CUBN: variants seen among roughly 807,000 people sequenced by gnomAD.
CUBN encodes 460 kDa receptor.
A neutral mutation model predicts 405.3 loss-of-function variants in CUBN; 282 were observed. The observed-to-expected ratio is 0.70, with a 90% CI of 0.63 to 0.77. The LOEUF (loss-of-function observed/expected upper bound fraction) is 0.77. CUBN is among the 30% of genes least tolerant of loss of function. The pLI is 0.00. For missense variants in CUBN, 4,514 were observed against 4,475.2 expected (o/e 1.01, Z -0.25); for synonymous variants, 1,684 against 1,617.0 (o/e 1.04, Z -0.99).
At chr10:17,073,444 CTTTTT>C (rs11349387) in intron 17 of CUBN, among the ~76,000 whole-genome samples, 1 of 109,782 alleles carries the variant, frequency 9.1e-6, no homozygotes. Context: ...ATAACCAGCT[CTTTTT>C]TTTTTTTTTT....
chr10:16,885,134 G>A (rs115802949), intron 56 of CUBN, among the ~76,000 whole-genome samples: 203 of 152,234 alleles, frequency 1.3e-3, no homozygotes, highest in African/African-American at 4.4e-3. Context: ...GCTCGGTGAT[G>A]GTATTCAATA....
In CUBN at chr10:16,828,899, C is replaced by A. The variant is rs763271437; in HGVS notation, c.10670G>T (p.Ser3557Ile). The A allele has an allele frequency of 4.3e-6, 7 of 1,614,114 alleles. No individual in the cohort carries two copies. The highest frequency in any genetic ancestry group is 5.9e-6 in the Non-Finnish European group (7 of 1,179,998). Residue 3557 changes from serine (S) to isoleucine (I), a missense_variant, in exon 66 of 67, where the codon AGC (serine) becomes ATC (isoleucine). Coordinates refer to ENST00000377833, the MANE Select transcript of CUBN (RefSeq NM_001081.4). ...GACACAGTCTCCTGGATCGTCAATG[C>A]TGATGAAGTAGAAGTTGATGGTGAC... ...RLVTINFYFI[S>I]IDDPGDCVQN...
At position 16,869,829 on chromosome 10, in the gene CUBN, G is replaced by A. The variant is rs757288551; in HGVS notation, c.9261C>T (p.Pro3087=). 25 of 1,613,288 alleles carry A rather than the reference G, an allele frequency of 1.5e-5. No individual in the cohort carries two copies. The South Asian group carries it at 2.5e-4, about 16-fold the overall frequency. Residue 3087 remains proline (P), a synonymous_variant, in exon 59 of 67, where the codon CCC becomes CCT. Coordinates refer to ENST00000377833, the MANE Select transcript of CUBN (RefSeq NM_001081.4). ...ELKFSDFDVV[P]STSCSHDYLA... ...GGTAGTCATGGGAGCAGGAGGTGGAGGGAACCACATCAAAATCACTGAACC... is the reference window on the plus strand; with the variant it reads ...GGTAGTCATGGGAGCAGGAGGTGGAAGGAACCACATCAAAATCACTGAACC...
chr10:17,036,613 A>T (rs1007666525), intron 27 of CUBN, among the ~76,000 whole-genome samples: 2 of 152,142 alleles, frequency 1.3e-5, no homozygotes, highest in Non-Finnish European at 2.9e-5. Context: ...AGGGGGCTGA[A>T]GGGAAAACGT....
At chr10:17,017,130 G>A (rs1472184415) in intron 28 of CUBN, among the ~76,000 whole-genome samples, 1 of 152,108 alleles carries the variant, frequency 6.6e-6, no homozygotes, top group Admixed American at 6.5e-5. Context: ...TTTCCCATCT[G>A]AAAGACAAAA....
intron 62 of CUBN, among the ~76,000 whole-genome samples, chr10:16,837,946 C>T (rs1480110414): frequency 3.3e-5 from 5 of 152,274 alleles, no homozygotes; most frequent in African/African-American, 1.2e-4. Flanking sequence ...CTGAGTGGTC[C>T]ACCCTGATCC....
chr10:17,003,896 C>T (rs1049662796), intron 28 of CUBN, among the ~76,000 whole-genome samples: 3 of 152,178 alleles, frequency 2.0e-5, no homozygotes, highest in Non-Finnish European at 4.4e-5. Context: ...TAATCTCCTC[C>T]CTTGACATTT....
Position 16,950,103 on chromosome 10 carries a change from T to C in CUBN, c.4978A>G (p.Ile1660Val). 3 of 1,612,052 alleles carry C rather than the reference T, an allele frequency of 1.9e-6. No homozygotes were observed. The highest frequency in any genetic ancestry group is 1.3e-5 in the African/African-American group (1 of 74,956). The change falls in exon 34 of 67, where the codon ATC becomes GTC. Residue 1660 changes from isoleucine (I) to valine (V), a missense_variant. Physicochemically the swap from Ile to Val is conservative, Grantham distance 29 (BLOSUM62 3). Coordinates refer to ENST00000377833, the MANE Select transcript of CUBN (RefSeq NM_001081.4). ...IIQAQPPLNH[I>V]TLSFTHFELE... ...TCAAAGTGGGTAAAAGAGAGGGTGA[T>C]ATGATTTACTGGAAGAAAAAAGAGA...
chr10:16,991,247 G>C (rs928010223), intron 28 of CUBN, among the ~76,000 whole-genome samples: 1 of 152,160 alleles, frequency 6.6e-6, no homozygotes, highest in African/African-American at 2.4e-5. Context: ...TCCTCATATG[G>C]GCTTTCCATG....
intron 4 of CUBN, among the ~76,000 whole-genome samples, chr10:17,124,454 A>G (rs1401687621): frequency 1.4e-5 from 2 of 145,998 alleles, no homozygotes; most frequent in Non-Finnish European, 3.0e-5. Flanking sequence ...TTTGAGACGG[A>G]GTCTTGCTCT....
chr10:17,038,523 G>A (rs1030866360), intron 27 of CUBN, among the ~76,000 whole-genome samples: 2 of 152,204 alleles, frequency 1.3e-5, no homozygotes, highest in African/African-American at 4.8e-5. Context: ...AGGCGGGATA[G>A]TGTCTGACCA....
chr10:16,903,698 T>G lies in CUBN; in HGVS notation c.8062+268A>C, dbSNP rs1158249703. On this transcript the variant is annotated intron_variant, in intron 51 of 66. Coordinates refer to ENST00000377833, the MANE Select transcript of CUBN (RefSeq NM_001081.4). ...TAATTATTAAATAATTATTGGATAA[T>G]TTTAAAATTTAATAATTTTAAAATT... Among the ~76,000 whole-genome samples the G allele has an allele frequency of 3.4e-5, 5 of 147,992 alleles. No individual in the cohort carries two copies. The Admixed American group carries it at 3.4e-4, about 10-fold the overall frequency.
chr10:16,934,885 T>C (rs1842456977), intron 39 of CUBN, among the ~76,000 whole-genome samples: 1 of 152,174 alleles, frequency 6.6e-6, no homozygotes, highest in Non-Finnish European at 1.5e-5. Context: ...GAGAGGAACA[T>C]GTAGAAGGAG....
chr10:17,039,332 T>C (rs559375269), intron 27 of CUBN, among the ~76,000 whole-genome samples: 42 of 152,326 alleles, frequency 2.8e-4, no homozygotes, highest in African/African-American at 9.9e-4. Flanking sequence ...TAGTTATCAT[T>C]AGACTGATAC....
rs1173368637 is a variant in CUBN, at chr10:17,084,404, T to C, written c.2168A>G (p.Glu723Gly). The stretch of plus-strand genomic sequence containing the variant: ...GGTGTGAGTGAAAGGCCCAGACAAC[T>C]CAGGCAAGAAGAGTTCACCCTCTGG... ...TDPEGELFLP[E>G]LSGPFTHTRQ... The change falls in exon 17 of 67, where the codon GAG becomes GGG. Residue 723 changes from glutamate (E) to glycine (G), a missense_variant. Coordinates refer to ENST00000377833, the MANE Select transcript of CUBN (RefSeq NM_001081.4). The C allele has an allele frequency of 7.4e-6, 12 of 1,614,034 alleles. No individual in the cohort carries two copies. Among genetic ancestry groups the C allele is most frequent in the Non-Finnish European group, 1.0e-5 (12 of 1,180,000 alleles).
At chr10:17,015,247 AT>A (rs1333914797) in intron 28 of CUBN, among the ~76,000 whole-genome samples, 1 of 152,146 alleles carries the variant, frequency 6.6e-6, no homozygotes, top group African/African-American at 2.4e-5. Flanking sequence ...CTGGGTGGGC[AT>A]TTTTTACCCT....
At chr10:16,905,656 A>G (rs1308731741) in intron 50 of CUBN, among the ~76,000 whole-genome samples, 3 of 152,132 alleles carry the variant, frequency 2.0e-5, no homozygotes, top group Non-Finnish European at 4.4e-5. Context: ...TGTAACACAG[A>G]GTCTAGTTGT....
intron 28 of CUBN, 105 bp downstream of exon 28, chr10:17,019,728 T>G: frequency 7.5e-7 from 1 of 1,333,976 alleles, no homozygotes; most frequent in Non-Finnish European, 1.1e-6. Flanking sequence ...CTACCTGGGT[T>G]CCATTATTTG....
intron 56 of CUBN, among the ~76,000 whole-genome samples, chr10:16,881,232 T>C (rs1840658487): frequency 6.6e-6 from 1 of 152,210 alleles, no homozygotes; most frequent in Non-Finnish European, 1.5e-5. Flanking sequence ...CTGCTATGCA[T>C]GTGTTAGGTA....
Sources: gnomAD v4.1 joint callset for allele counts (sites outside exome capture counted in the v4.1 genomes callset) on GRCh38, gnomAD v4.1.1 for gene constraint, MANE v1.5 for transcripts, NCBI Gene and HGNC (gene_info 2026-07-23, HGNC 2026-07-21) for gene names.